MAPK10: variants seen among roughly 807,000 people sequenced by gnomAD.
MAPK10 encodes the protein JNK3 alpha protein kinase.
In MAPK10, 25 loss-of-function variants were observed where a neutral mutation model predicts 59.3. The observed-to-expected ratio is 0.42, with a 90% CI of 0.31 to 0.59. The LOEUF is 0.59. MAPK10 is among the 20% of genes least tolerant of loss of function. The pLI is 0.15. For synonymous variants in MAPK10, 190 were observed against 200.5 expected (o/e 0.95, Z 0.44); for missense variants, 351 against 568.9 (o/e 0.62, Z 3.90).
At chr4:86,548,298 A>G (rs1223261310) in intron 1 of MAPK10, among the ~76,000 whole-genome samples, 1 of 152,140 alleles carries the variant, frequency 6.6e-6, no homozygotes, top group Non-Finnish European at 1.5e-5. Flanking sequence ...GAACCCCACC[A>G]GAAGGAAGAA....
At chr4:86,119,315 A>G (rs1365738046) in intron 4 of MAPK10, among the ~76,000 whole-genome samples, 1 of 152,140 alleles carries the variant, frequency 6.6e-6, no homozygotes, top group Non-Finnish European at 1.5e-5. Flanking sequence ...ATAAAAAGCC[A>G]ATAGGGCCGG....
At chr4:86,129,035 A>G (rs1407600400) in intron 4 of MAPK10, among the ~76,000 whole-genome samples, 2 of 152,146 alleles carry the variant, frequency 1.3e-5, no homozygotes, top group African/African-American at 2.4e-5. Context: ...CACTTGGTCA[A>G]CAAAGAGTTA....
chr4:86,151,944 T>C (rs1723570270), intron 4 of MAPK10: 1 of 152,252 alleles, frequency 6.6e-6, no homozygotes, highest in African/African-American at 2.4e-5. Context: ...GTTTCTGTCA[T>C]GGTCACTTCA....
At chr4:86,046,408 T>C (rs1159531826) in intron 11 of MAPK10, among the ~76,000 whole-genome samples, 3 of 151,832 alleles carry the variant, frequency 2.0e-5, no homozygotes, top group Non-Finnish European at 2.9e-5. Flanking sequence ...TGTTTCCAGC[T>C]TCTGCCCATT....
intron 1 of MAPK10, among the ~76,000 whole-genome samples, chr4:86,368,813 A>G (rs1578936964): frequency 6.6e-6 from 1 of 152,172 alleles, no homozygotes; most frequent in Admixed American, 6.6e-5. Flanking sequence ...TAGTTCACAA[A>G]TGATAACGGG....
intron 4 of MAPK10, among the ~76,000 whole-genome samples, chr4:86,121,640 A>T (rs1161151585): frequency 1.3e-5 from 2 of 152,162 alleles, no homozygotes; most frequent in Non-Finnish European, 2.9e-5. Context: ...AAACCATCAT[A>T]TTTTGATATA....
chr4:86,338,278 C>G (rs4389539), intron 2 of MAPK10, among the ~76,000 whole-genome samples: 110,667 of 151,568 alleles, frequency 0.73, 40,975 homozygotes, highest in South Asian at 0.9. Flanking sequence ...AACACTAAAA[C>G]TAACTGGCTC....
intron 2 of MAPK10, among the ~76,000 whole-genome samples, chr4:86,285,520 AAAC>A (rs2094971046): frequency 6.6e-6 from 1 of 151,978 alleles, no homozygotes; most frequent in Non-Finnish European, 1.5e-5. Flanking sequence ...TGGCCTCTAA[AAAC>A]ACTTCTAAGA....
chr4:86,585,605 T>C (rs1424699272), intron 1 of MAPK10, among the ~76,000 whole-genome samples: 1 of 152,244 alleles, frequency 6.6e-6, no homozygotes, highest in Non-Finnish European at 1.5e-5. Context: ...TAATATTTTA[T>C]AGTTCTCTAC....
intron 3 of MAPK10, among the ~76,000 whole-genome samples, chr4:86,169,923 G>A (rs906846987): frequency 6.6e-6 from 1 of 152,124 alleles, no homozygotes; most frequent in Non-Finnish European, 1.5e-5. Flanking sequence ...CATTCTTAAA[G>A]AAAAGAATTT....
At chr4:86,460,954 T>C (rs747551740) in intron 1 of MAPK10, among the ~76,000 whole-genome samples, 9 of 152,142 alleles carry the variant, frequency 5.9e-5, no homozygotes, top group Admixed American at 5.2e-4. Flanking sequence ...CCTCTCCACA[T>C]GCTATATTTC....
chr4:86,508,630 G>A (rs560173083), intron 1 of MAPK10, among the ~76,000 whole-genome samples: 1 of 152,206 alleles, frequency 6.6e-6, no homozygotes, highest in African/African-American at 2.4e-5. Context: ...TTTCATTTTG[G>A]TTAGGTTATG....
At chr4:86,201,658 TTAA>T (rs1264181431) in intron 2 of MAPK10, among the ~76,000 whole-genome samples, 9 of 151,986 alleles carry the variant, frequency 5.9e-5, no homozygotes, top group South Asian at 4.1e-4. Flanking sequence ...ATTCAGCTTA[TTAA>T]TGTTATTTTT....
intron 9 of MAPK10, among the ~76,000 whole-genome samples, chr4:86,073,370 G>C (rs1421575217): frequency 6.6e-6 from 1 of 151,722 alleles, no homozygotes; most frequent in Non-Finnish European, 1.5e-5. Flanking sequence ...ATCTTTTGAA[G>C]GGTTTTTTGT....
chr4:86,199,809 TTGTGTATGCATGGA>T (rs2082212621), intron 2 of MAPK10, among the ~76,000 whole-genome samples: 1 of 152,040 alleles, frequency 6.6e-6, no homozygotes, highest in African/African-American at 2.4e-5. Flanking sequence ...CTGCTGGGCC[TTGTGTATGCATGGA>T]TGTGTATGCA....
intron 1 of MAPK10, among the ~76,000 whole-genome samples, chr4:86,539,136 T>A (rs1351334635): frequency 6.6e-6 from 1 of 152,022 alleles, no homozygotes; most frequent in Non-Finnish European, 1.5e-5. Context: ...AGGAAGAAAT[T>A]AGAAATAATG....
chr4:86,031,311 T>G, intron 12 of MAPK10, 57 bp downstream of exon 12: 2 of 1,218,920 alleles, frequency 1.6e-6, no homozygotes, highest in Non-Finnish European at 2.4e-6. Context: ...AAAGCCTTGT[T>G]GATACTTTCT....
chr4:86,483,573 A>G (rs1753762234), intron 1 of MAPK10, among the ~76,000 whole-genome samples: 1 of 151,732 alleles, frequency 6.6e-6, no homozygotes, highest in African/African-American at 2.4e-5. Flanking sequence ...TATTATTAAA[A>G]TGGAATATAT....
intron 1 of MAPK10, among the ~76,000 whole-genome samples, chr4:86,590,786 A>C (rs1456807381): frequency 1.3e-5 from 2 of 151,146 alleles, no homozygotes; most frequent in Admixed American, 1.3e-4. Context: ...ACCGTGTCTC[A>C]AAAAAAAACA....
Sources: gnomAD v4.1 joint callset for allele counts (sites outside exome capture counted in the v4.1 genomes callset) on GRCh38, gnomAD v4.1.1 for gene constraint, MANE v1.5 for transcripts, NCBI Gene and HGNC (gene_info 2026-07-23, HGNC 2026-07-21) for gene names.